Variants in FMN2 observed in about 807,000 individuals in gnomAD.
The protein encoded by FMN2 is formin 2, also known as formin-2.
A neutral mutation model predicts 142.3 loss-of-function variants in FMN2; 51 were observed. The ratio of observed to expected loss-of-function variants is 0.36; its 90% CI spans 0.29 to 0.45. FMN2 has a LOEUF of 0.45. Among genes scored for constraint, FMN2 ranks in the 20% least tolerant of loss-of-function variants. The probability of loss-of-function intolerance (pLI) is 1.00; values close to 1 mark genes in which losing one functional copy is unlikely to be tolerated. For missense variants in FMN2, 1,936 were observed against 2,122.8 expected (o/e 0.91, Z 1.73); for synonymous variants, 882 against 869.8 (o/e 1.01, Z -0.25).
rs180897706 is a variant in FMN2 at position 240,170,552 on chromosome 1, G to A, written c.1783-7369G>A. ...AAAGGATTAGTGCCAGATGGTACCA[G>A]CAGATTTACTTGCAAAGGAAAGACA... On this transcript the variant is annotated intron_variant, in intron 2 of 17. Transcript: ENST00000319653. 7 of 1,561,020 alleles carry A rather than the reference G, an allele frequency of 4.5e-6. No individual in the cohort carries two copies. The African/African-American group carries it at 9.5e-5, about 21-fold the overall frequency.
At position 240,208,711 on chromosome 1, in the gene FMN2, G is replaced by T; in HGVS notation, c.3899G>T (p.Arg1300Met). The T allele has an allele frequency of 6.2e-7, 1 of 1,612,178 alleles. No homozygotes were observed. The highest frequency in any genetic ancestry group is 1.7e-5 in the Admixed American group (1 of 59,994). The change falls in exon 5 of 18, where the codon AGG becomes ATG. Residue 1300 changes from arginine to methionine, a missense_variant. Transcript: ENST00000319653. Reference protein sequence around the residue: ...CRPMKPLYWTRIQLHSKRDSS... With the variant: ...CRPMKPLYWTMIQLHSKRDSS... ...CCAATGAAGCCTCTTTACTGGACCA[G>T]GATTCAACTACATAGTAAAAGGTAA...
intron 2 of FMN2, among the ~76,000 whole-genome samples, chr1:240,153,914 G>A (rs1041230462): frequency 6.6e-6 from 1 of 151,738 alleles, no homozygotes; most frequent in Non-Finnish European, 1.5e-5. Flanking sequence ...TCAGGGGTTC[G>A]AGACCAGCCT....
At chr1:240,246,503 G>T (rs1668088591) in intron 6 of FMN2, among the ~76,000 whole-genome samples, 1 of 152,152 alleles carries the variant, frequency 6.6e-6, no homozygotes, top group African/African-American at 2.4e-5. Flanking sequence ...AGGTAACTGA[G>T]GCTTTAGGAT....
In FMN2 at chr1:240,434,588, G is replaced by C. The variant is rs188759215; in HGVS notation, c.4911-3473G>C. ...TTGTTTTTTGTTTTTTTGAGATGGAGTCTCGCTCTGTCACCCAGGCTGGAG... is the reference window on the plus strand; with the variant it reads ...TTGTTTTTTGTTTTTTTGAGATGGACTCTCGCTCTGTCACCCAGGCTGGAG... On this transcript the variant is annotated intron_variant, in intron 15 of 17. Transcript: ENST00000319653. Among the ~76,000 whole-genome samples the C allele has an allele frequency of 1.8e-3, 265 of 150,084 alleles. 1 individual carries two copies. Among genetic ancestry groups the C allele is most frequent in the African/African-American group, 5.8e-3 (239 of 40,860 alleles).
At chr1:240,319,802 G>A (rs1361612423) in intron 8 of FMN2, among the ~76,000 whole-genome samples, 4 of 152,100 alleles carry the variant, frequency 2.6e-5, no homozygotes, top group Non-Finnish European at 4.4e-5. Context: ...TTCAGCATTC[G>A]AGAAATAGTT....
At chr1:240,336,678 A>G (rs1050731783) in intron 13 of FMN2, among the ~76,000 whole-genome samples, 1 of 151,806 alleles carries the variant, frequency 6.6e-6, no homozygotes, top group Non-Finnish European at 1.5e-5. Context: ...TGAGAAATGC[A>G]AGGCTGGTGT....
intron 2 of FMN2, among the ~76,000 whole-genome samples, chr1:240,177,381 TAGC>T (rs1195746594): frequency 6.6e-6 from 1 of 150,776 alleles, no homozygotes; most frequent in African/African-American, 2.5e-5. Flanking sequence ...TTTTTTTTCT[TAGC>T]AGGTTCATTC....
intron 8 of FMN2, among the ~76,000 whole-genome samples, chr1:240,312,187 GCCCT>G (rs1670623010): frequency 6.6e-6 from 1 of 151,936 alleles, no homozygotes; most frequent in Non-Finnish European, 1.5e-5. Flanking sequence ...CCATCTTGTA[GCCCT>G]CTGCTCTCCA....
At chr1:240,278,807 ACTT>A (rs1669302475) in intron 7 of FMN2, among the ~76,000 whole-genome samples, 1 of 152,176 alleles carries the variant, frequency 6.6e-6, no homozygotes, top group Non-Finnish European at 1.5e-5. Context: ...AGTCTGCATT[ACTT>A]CTTATTGGTT....
chr1:240,339,496 A>G (rs886680996), intron 13 of FMN2, among the ~76,000 whole-genome samples: 3 of 152,100 alleles, frequency 2.0e-5, no homozygotes, highest in Non-Finnish European at 4.4e-5. Context: ...GGATAAGGGA[A>G]CACTACTGTT....
chr1:240,109,653 T>A (rs886506231), intron 1 of FMN2, among the ~76,000 whole-genome samples: 3 of 152,164 alleles, frequency 2.0e-5, no homozygotes, highest in Non-Finnish European at 2.9e-5. Context: ...TGTGGTGAAC[T>A]GAGACGCACA....
At chr1:240,433,881 T>A (rs1339483381) in intron 15 of FMN2, among the ~76,000 whole-genome samples, 1 of 152,202 alleles carries the variant, frequency 6.6e-6, no homozygotes, top group Admixed American at 6.5e-5. Flanking sequence ...TAGGTCTTTG[T>A]AGGTCTGTTA....
chr1:240,317,528 C>T (rs1239545496), intron 8 of FMN2, among the ~76,000 whole-genome samples: 27 of 152,164 alleles, frequency 1.8e-4, no homozygotes, highest in Non-Finnish European at 5.9e-5. Flanking sequence ...TTTTTCCACT[C>T]AGTATAATTT....
In FMN2 at chr1:240,470,641, G is replaced by T. The variant is rs567248536; in HGVS notation, c.5061-1731G>T. Among the ~76,000 whole-genome samples the T allele has an allele frequency of 6.6e-5, 10 of 152,220 alleles. No homozygotes were observed. In the South Asian group the frequency reaches 2.1e-3, roughly 32 times the overall value. ...TTAGATTTTTTGCCACAGGGATCAA[G>T]AAATATATTTATAATTCACTTCTTT... On this transcript the variant is annotated intron_variant, in intron 16 of 17. Transcript: ENST00000319653.
intron 2 of FMN2, among the ~76,000 whole-genome samples, chr1:240,149,906 G>C (rs1018751769): frequency 6.6e-6 from 1 of 151,866 alleles, no homozygotes; most frequent in Admixed American, 6.6e-5. Flanking sequence ...TAGCATTTGT[G>C]TTTTTTTTCC....
At chr1:240,155,598 G>A (rs1381251516) in intron 2 of FMN2, among the ~76,000 whole-genome samples, 1 of 152,138 alleles carries the variant, frequency 6.6e-6, no homozygotes, top group East Asian at 1.9e-4. Context: ...TTTTAAACTA[G>A]ATTTGAGAGC....
At chr1:240,451,954 G>C (rs1368602247) in intron 16 of FMN2, among the ~76,000 whole-genome samples, 1 of 151,962 alleles carries the variant, frequency 6.6e-6, no homozygotes, top group Non-Finnish European at 1.5e-5. Flanking sequence ...TATATTGGGA[G>C]GCCGAGGTGG....
At chr1:240,392,971 G>C (rs1673653907) in intron 15 of FMN2, among the ~76,000 whole-genome samples, 1 of 130,444 alleles carries the variant, frequency 7.7e-6, no homozygotes, top group African/African-American at 3.3e-5. Context: ...ATGGAGACTT[G>C]CAATTATGGG....
chr1:240,153,979 G>A (rs1340484928), intron 2 of FMN2, among the ~76,000 whole-genome samples: 1 of 151,738 alleles, frequency 6.6e-6, no homozygotes, highest in Non-Finnish European at 1.5e-5. Context: ...AGCCAGGTGT[G>A]GTGGTGCATG....
Sources: gnomAD v4.1 joint callset for allele counts (sites outside exome capture counted in the v4.1 genomes callset) on GRCh38, gnomAD v4.1.1 for gene constraint, MANE v1.5 for transcripts, NCBI Gene and HGNC (gene_info 2026-07-23, HGNC 2026-07-21) for gene names.